The following NKAIN2 variants were observed in gnomAD, a reference collection of about 807,000 sequenced individuals.
NKAIN2 encodes sodium/potassium transporting ATPase interacting 2.
NKAIN2 carries 14 observed loss-of-function variants against 32.6 expected under a neutral mutation model. The observed-to-expected ratio is 0.43, with a 90% CI of 0.28 to 0.67. NKAIN2 has a LOEUF of 0.67. Among genes scored for constraint, NKAIN2 ranks in the 30% least tolerant of loss-of-function variants. The pLI, the probability that NKAIN2 is intolerant of heterozygous loss-of-function variation, is 0.17. For synonymous variants in NKAIN2, 80 were observed against 87.2 expected (o/e 0.92, Z 0.46); for missense variants, 198 against 258.3 (o/e 0.77, Z 1.60).
intron 1 of NKAIN2, among the ~76,000 whole-genome samples, chr6:123,992,473 G>T (rs757215696): frequency 1.1e-4 from 17 of 152,178 alleles, no homozygotes; most frequent in South Asian, 2.1e-4. Flanking sequence ...TTGCTAGAAT[G>T]AATGGATGAA....
In NKAIN2 at chr6:123,852,736, T is replaced by C. The variant is rs572499236; in HGVS notation, c.54+48482T>C. On this transcript the variant is annotated intron_variant, in intron 1 of 6. Transcript: ENST00000368417. Reference sequence around the variant, plus strand: ...GTGGAGAACATTATGTTATGTAAAATAGGCCAGGCACAGAAAGACAGATAC... The same window carrying C: ...GTGGAGAACATTATGTTATGTAAAACAGGCCAGGCACAGAAAGACAGATAC... 3.9e-5 allele frequency among the ~76,000 whole-genome samples: 6 copies of C among 152,266 alleles called. No individual in the cohort carries two copies. In the South Asian group the frequency reaches 1.0e-3, roughly 26 times the overall value.
chr6:124,510,531 T>A (rs559009857), intron 3 of NKAIN2, among the ~76,000 whole-genome samples: 1 of 152,306 alleles, frequency 6.6e-6, no homozygotes, highest in African/African-American at 2.4e-5. Flanking sequence ...CATGCCATCT[T>A]TATAAAGTTA....
At chr6:124,805,771 A>G (rs2114843766) in intron 5 of NKAIN2, among the ~76,000 whole-genome samples, 1 of 152,354 alleles carries the variant, frequency 6.6e-6, no homozygotes, top group East Asian at 1.9e-4. Context: ...TAACTAGAAT[A>G]ACCAATACAG....
At chr6:124,167,701 C>T (rs1303148152) in intron 1 of NKAIN2, among the ~76,000 whole-genome samples, 2 of 152,080 alleles carry the variant, frequency 1.3e-5, no homozygotes, top group African/African-American at 4.8e-5. Flanking sequence ...CCATCAGTAC[C>T]TAATTTATTG....
chr6:124,668,736 C>A lies in NKAIN2; in HGVS notation c.474+10350C>A, dbSNP rs190553499. Among the ~76,000 whole-genome samples the A allele has an allele frequency of 7.9e-5, 12 of 152,198 alleles. 1 individual carries two copies. In the East Asian group the frequency reaches 2.3e-3, roughly 29 times the overall value. ...ATGTCAGTGATTCAATAATTGTTCACGTATTTCTCTTCAGCAATGTCTTTT... is the reference window on the plus strand; with the variant it reads ...ATGTCAGTGATTCAATAATTGTTCAAGTATTTCTCTTCAGCAATGTCTTTT... On this transcript the variant is annotated intron_variant, in intron 4 of 6. Coordinates refer to ENST00000368417, the MANE Select transcript of NKAIN2 (RefSeq NM_001040214.3).
At chr6:124,435,371 A>C (rs973156723) in intron 3 of NKAIN2, among the ~76,000 whole-genome samples, 16 of 152,276 alleles carry the variant, frequency 1.1e-4, no homozygotes, top group African/African-American at 3.6e-4. Context: ...ATAAAAAACA[A>C]GAAAGGAAAA....
chr6:124,481,050 C>T (rs1319046234), intron 3 of NKAIN2, among the ~76,000 whole-genome samples: 3 of 152,078 alleles, frequency 2.0e-5, no homozygotes, highest in Non-Finnish European at 4.4e-5. Flanking sequence ...AAATTTCATG[C>T]TATGCACTGT....
chr6:124,262,572 T>G (rs1210625165), intron 1 of NKAIN2, among the ~76,000 whole-genome samples: 1 of 152,184 alleles, frequency 6.6e-6, no homozygotes, highest in Non-Finnish European at 1.5e-5. Context: ...AGTTTAGACC[T>G]TGTTTGTGAG....
chr6:124,209,073 TA>T (rs1562423478), intron 1 of NKAIN2, among the ~76,000 whole-genome samples: 1 of 151,558 alleles, frequency 6.6e-6, no homozygotes, highest in African/African-American at 2.4e-5. Flanking sequence ...CCATTCTCCC[TA>T]ACTGTATTCT....
chr6:124,776,892 T>C, intron 4 of NKAIN2, among the ~76,000 whole-genome samples: 1 of 152,184 alleles, frequency 6.6e-6, no homozygotes, highest in Non-Finnish European at 1.5e-5. Flanking sequence ...AAGGTCTCAT[T>C]TTTCTATTGC....
At position 124,028,857 on chromosome 6, in the gene NKAIN2, C is replaced by A. The variant is rs234486; in HGVS notation, c.54+224603C>A. 6.9e-3 allele frequency among the ~76,000 whole-genome samples: 852 copies of A among 123,994 alleles called. 5 individuals carry two copies. The highest frequency in any genetic ancestry group is 0.028 in the African/African-American group (808 of 28,478). 81.3% of individuals were successfully genotyped at this position (123,994 alleles called of 152,430 possible). On this transcript the variant is annotated intron_variant, in intron 1 of 6. Transcript: ENST00000368417. The stretch of plus-strand genomic sequence containing the variant: ...CATATATATGTATATATGTGTGTGT[C>A]TATATATACACATATATGTATATAT...
chr6:123,836,126 G>A (rs1774608600), intron 1 of NKAIN2, among the ~76,000 whole-genome samples: 1 of 151,946 alleles, frequency 6.6e-6, no homozygotes, highest in Non-Finnish European at 1.5e-5. Context: ...ATAACAAATG[G>A]TGGAGAAGGG....
At chr6:124,435,921 C>T (rs9401745) in intron 3 of NKAIN2, among the ~76,000 whole-genome samples, 151,948 of 152,202 alleles carry the variant, frequency 1, 75,847 homozygotes, top group Middle Eastern at 1. Flanking sequence ...ATAAAAATAC[C>T]AGATTAAATA....
chr6:123,950,297 A>G (rs1460310603), intron 1 of NKAIN2, among the ~76,000 whole-genome samples: 1 of 151,760 alleles, frequency 6.6e-6, no homozygotes, highest in Non-Finnish European at 1.5e-5. Flanking sequence ...TTTTGATACC[A>G]CAGTAAAACT....
intron 1 of NKAIN2, among the ~76,000 whole-genome samples, chr6:124,123,719 A>G (rs1366426858): frequency 6.6e-6 from 1 of 152,098 alleles, no homozygotes; most frequent in African/African-American, 2.4e-5. Flanking sequence ...GTTATAAGTA[A>G]ATATTGACCT....
At chr6:124,455,690 C>A (rs185702620) in intron 3 of NKAIN2, among the ~76,000 whole-genome samples, 1 of 151,546 alleles carries the variant, frequency 6.6e-6, no homozygotes, top group African/African-American at 2.4e-5. Context: ...GTAACATTTC[C>A]CCTAGTTACA....
At chr6:123,921,894 G>C (rs1775771256) in intron 1 of NKAIN2, among the ~76,000 whole-genome samples, 1 of 151,514 alleles carries the variant, frequency 6.6e-6, no homozygotes. Flanking sequence ...TTGCACCACT[G>C]CACTCCAGCC....
intron 3 of NKAIN2, among the ~76,000 whole-genome samples, chr6:124,462,987 T>G (rs1776593469): frequency 6.6e-6 from 1 of 151,928 alleles, no homozygotes; most frequent in South Asian, 2.1e-4. Flanking sequence ...TGTGAGAAAA[T>G]AAAGTGATTG....
At chr6:124,060,986 T>A (rs1782896536) in intron 1 of NKAIN2, among the ~76,000 whole-genome samples, 1 of 152,310 alleles carries the variant, frequency 6.6e-6, no homozygotes, top group East Asian at 1.9e-4. Flanking sequence ...CTTTTTATTT[T>A]AAGTACATGC....
Sources: gnomAD v4.1 joint callset for allele counts (sites outside exome capture counted in the v4.1 genomes callset) on GRCh38, gnomAD v4.1.1 for gene constraint, MANE v1.5 for transcripts, NCBI Gene and HGNC (gene_info 2026-07-23, HGNC 2026-07-21) for gene names.